The following ATXN10 variants were observed in gnomAD, a reference collection of about 807,000 sequenced individuals.
ATXN10 encodes ataxin 10.
ATXN10 carries 28 observed loss-of-function variants against 52.9 expected under a neutral mutation model. The ratio of observed to expected loss-of-function variants is 0.53; its 90% CI spans 0.39 to 0.73. The LOEUF is 0.73. ATXN10 is among the 30% of genes least tolerant of loss of function. ATXN10 has a pLI of 0.00. For missense variants in ATXN10, 565 were observed against 577.0 expected (o/e 0.98, Z 0.21); for synonymous variants, 226 against 221.5 (o/e 1.02, Z -0.18).
intron 9 of ATXN10, among the ~76,000 whole-genome samples, chr22:45,776,810 T>G (rs1926973815): frequency 6.6e-6 from 1 of 152,228 alleles, no homozygotes; most frequent in Non-Finnish European, 1.5e-5. Flanking sequence ...GCCAGTTTTT[T>G]TAAGCATTGG....
rs1378293841 is a variant in ATXN10 at position 45,733,749 on chromosome 22, C to T, written c.894+4159C>T. ...TCAGCCTGGGCGACAGAGCAAGACTCCCATCTTAAAAAAAAAAAAAAGTTA... is the reference window on the plus strand; with the variant it reads ...TCAGCCTGGGCGACAGAGCAAGACTTCCATCTTAAAAAAAAAAAAAAGTTA... On this transcript the variant is annotated intron_variant, in intron 7 of 11. Coordinates refer to ENST00000252934, the MANE Select transcript of ATXN10 (RefSeq NM_013236.4). The surrounding 1 kb of genome is among the most constrained non-coding windows in gnomAD (Gnocchi z 4.4). Among the ~76,000 whole-genome samples, 1 of 150,834 alleles carries T rather than the reference C, an allele frequency of 6.6e-6. No individual in the cohort carries two copies. The highest frequency in any genetic ancestry group is 2.4e-5 in the African/African-American group (1 of 41,060).
intron 7 of ATXN10, chr22:45,738,448 TGC>T: frequency 2.7e-6 from 1 of 373,572 alleles, no homozygotes; most frequent in Non-Finnish European, 4.9e-6. Flanking sequence ...AATGTCTTTT[TGC>T]TTGAATAAGA....
At chr22:45,742,034 C>T (rs1283267310) in intron 9 of ATXN10, among the ~76,000 whole-genome samples, 4 of 152,140 alleles carry the variant, frequency 2.6e-5, no homozygotes, top group Non-Finnish European at 4.4e-5. Flanking sequence ...TGTCAGCTAC[C>T]TAAATCTCTG....
chr22:45,702,425 A>G (rs1360119870), intron 4 of ATXN10, among the ~76,000 whole-genome samples: 1 of 152,220 alleles, frequency 6.6e-6, no homozygotes. Context: ...AATCATTCTA[A>G]TCTTTTTCTC....
chr22:45,704,759 C>G (rs1923974443), intron 5 of ATXN10, among the ~76,000 whole-genome samples: 1 of 152,010 alleles, frequency 6.6e-6, no homozygotes, highest in South Asian at 2.1e-4. Flanking sequence ...GTTGGGTTGC[C>G]TTTTCTTTCT....
chr22:45,730,198 A>G (rs5765593), intron 7 of ATXN10, among the ~76,000 whole-genome samples: 1 of 151,646 alleles, frequency 6.6e-6, no homozygotes, highest in African/African-American at 2.4e-5. Context: ...ACAAAAATTA[A>G]CTGGACATGG....
chr22:45,794,504 A>G lies in ATXN10; in HGVS notation c.1174-12455A>G, dbSNP rs1440989348. Among the ~76,000 whole-genome samples the G allele has an allele frequency of 4.0e-5, 6 of 149,008 alleles. No individual in the cohort carries two copies. In the Admixed American group the frequency reaches 4.0e-4, roughly 10 times the overall value. On this transcript the variant is annotated intron_variant, in intron 9 of 11. Coordinates refer to ENST00000252934, the MANE Select transcript of ATXN10 (RefSeq NM_013236.4). ...TTCCTCAGTCTTTCTGGAATTTTCC[A>G]TTCTATTAATGTTTACAAATAACCA...
At chr22:45,777,211 A>T (rs372578924) in intron 9 of ATXN10, among the ~76,000 whole-genome samples, 1 of 152,230 alleles carries the variant, frequency 6.6e-6, no homozygotes, top group African/African-American at 2.4e-5. Flanking sequence ...TGAATAGCCT[A>T]TAATTATCAA....
At chr22:45,808,199 AT>A (rs959297881) in intron 10 of ATXN10, among the ~76,000 whole-genome samples, 5 of 152,080 alleles carry the variant, frequency 3.3e-5, no homozygotes, top group Non-Finnish European at 5.9e-5. Context: ...GAGTGTTGAC[AT>A]TTTTTTAGCC....
In ATXN10 at chr22:45,719,039, G is replaced by A. The variant is rs147625039; in HGVS notation, c.728+546G>A. Among the ~76,000 whole-genome samples, 742 of 151,394 alleles carry A rather than the reference G, an allele frequency of 4.9e-3. 10 individuals carry two copies. The highest frequency in any genetic ancestry group is 0.017 in the African/African-American group (707 of 41,252). On this transcript the variant is annotated intron_variant, in intron 6 of 11. Transcript: ENST00000252934. ...TGTGACCTTGTTGGGATTCAGGTTCGTGTGTGTGTGTATTTTTTTTTTTTT... is the reference window on the plus strand; with the variant it reads ...TGTGACCTTGTTGGGATTCAGGTTCATGTGTGTGTGTATTTTTTTTTTTTT...
At chr22:45,736,042 A>G (rs1368051682) in intron 7 of ATXN10, among the ~76,000 whole-genome samples, 1 of 152,094 alleles carries the variant, frequency 6.6e-6, no homozygotes, top group Non-Finnish European at 1.5e-5. Context: ...GGGATAGATT[A>G]ATTTTCTTTT....
chr22:45,734,465 TGTA>T (rs1332325133), intron 7 of ATXN10: 5 of 200,524 alleles, frequency 2.5e-5, no homozygotes, highest in Admixed American at 2.2e-4. Flanking sequence ...CTGTTAGCCT[TGTA>T]GTCGTTTTTT....
chr22:45,718,409 C>T lies in ATXN10; in HGVS notation c.648-4C>T. 6.2e-7 allele frequency: 1 copy of T among 1,611,644 alleles called. No individual in the cohort carries two copies. The highest frequency in any genetic ancestry group is 2.2e-5 in the East Asian group (1 of 44,852). ...ACCAAACTTTCCTCCTCTTTTTTCC[C>T]TAGGTTCTTGATTATTACAGACCTC... On this transcript the variant is annotated splice_polypyrimidine_tract_variant and splice_region_variant and intron_variant, in intron 5 of 11. Coordinates refer to ENST00000252934, the MANE Select transcript of ATXN10 (RefSeq NM_013236.4). This position sits in a 1 kb window ranked among gnomAD's most constrained non-coding sequence, Gnocchi z 4.4.
In ATXN10 at chr22:45,694,940, C is replaced by CAAAAAA. The variant is rs748780048; in HGVS notation, c.391+1883_391+1888dup. Among the ~76,000 whole-genome samples the CAAAAAA allele has an allele frequency of 2.1e-3, 47 of 21,906 alleles. 2 individuals carry two copies. Among genetic ancestry groups the CAAAAAA allele is most frequent in the African/African-American group, 6.6e-3 (45 of 6,864 alleles). 14.4% of individuals were successfully genotyped at this position (21,906 alleles called of 152,430 possible). ...TGGGTGACAGAGCAAGACTCTGTCT[C>CAAAAAA]AAAAAAAAAAAAAAAAAAAAAAAAA... On this transcript the variant is annotated intron_variant, in intron 3 of 11. Transcript: ENST00000252934.
Position 45,775,078 on chromosome 22 carries a change from C to G in ATXN10, c.1174-31881C>G, listed in dbSNP as rs1031718688. ...TTGTATTACCAGAAGCACTTATCCA[C>G]TCTGCAGATTTTAGGACTCCACCAT... On this transcript the variant is annotated intron_variant, in intron 9 of 11. Transcript: ENST00000252934. This position sits in a 1 kb window ranked among gnomAD's most constrained non-coding sequence, Gnocchi z 4.7. Among the ~76,000 whole-genome samples the G allele has an allele frequency of 6.6e-6, 1 of 152,228 alleles. No individual in the cohort carries two copies. The highest frequency in any genetic ancestry group is 1.5e-5 in the Non-Finnish European group (1 of 68,040).
intron 2 of ATXN10, 27 bp from the exon 3 acceptor site, chr22:45,692,968 CT>C: frequency 6.3e-7 from 1 of 1,594,440 alleles, no homozygotes; most frequent in East Asian, 2.2e-5. Flanking sequence ...ATGAACATGT[CT>C]AATTTTGTCT....
rs1167520276 is a variant in ATXN10, at chr22:45,828,062, A to C, written c.1238-14929A>C. On this transcript the variant is annotated intron_variant, in intron 10 of 11. Coordinates refer to ENST00000252934, the MANE Select transcript of ATXN10 (RefSeq NM_013236.4). The surrounding 1 kb of genome is among the most constrained non-coding windows in gnomAD (Gnocchi z 4.5). ...TCACAAGGGAAATTAGAAAATACTT[A>C]GAGGTCAGCTGGGTGCAGTGGCTCA... Among the ~76,000 whole-genome samples, 1 of 152,178 alleles carries C rather than the reference A, an allele frequency of 6.6e-6. No homozygotes were observed. Among genetic ancestry groups the C allele is most frequent in the Non-Finnish European group, 1.5e-5 (1 of 68,024 alleles).
chr22:45,776,416 T>G (rs2146847609), intron 9 of ATXN10, among the ~76,000 whole-genome samples: 1 of 152,294 alleles, frequency 6.6e-6, no homozygotes, highest in Non-Finnish European at 1.5e-5. Flanking sequence ...CACCTTTCAT[T>G]TTTTACCCCT....
chr22:45,814,799 C>T (rs1256449761), intron 10 of ATXN10, among the ~76,000 whole-genome samples: 1 of 152,140 alleles, frequency 6.6e-6, no homozygotes, highest in Non-Finnish European at 1.5e-5. Context: ...GCTCCGTCTC[C>T]CGTCAGATCA....
Sources: allele counts gnomAD v4.1 joint callset (sites outside exome capture counted in the v4.1 genomes callset), GRCh38; gene constraint gnomAD v4.1.1; non-coding constraint Gnocchi (gnomAD v3.1); transcripts MANE v1.5; gene names NCBI Gene and HGNC (gene_info 2026-07-23, HGNC 2026-07-21).